The following BMX variants were observed in gnomAD, a reference collection of about 807,000 sequenced individuals.
The protein encoded by BMX is BMX non-receptor tyrosine kinase.
Under a neutral mutation model 59.2 loss-of-function variants are expected in BMX, and 31 were observed. That is an observed-to-expected ratio of 0.52 (90% CI 0.39 to 0.71). The LOEUF (loss-of-function observed/expected upper bound fraction) is 0.71. Ranked by LOEUF, BMX falls within the 30% of genes least tolerant of loss-of-function variation. The probability of loss-of-function intolerance (pLI) is 0.00; values close to 1 mark genes in which losing one functional copy is unlikely to be tolerated. For synonymous variants in BMX, 185 were observed against 181.0 expected, an observed-to-expected ratio of 1.02 and a Z score of -0.18; for missense variants, 474 against 491.7, an observed-to-expected ratio of 0.96 and a Z score of 0.34.
intron 1 of BMX, among the ~76,000 whole-genome samples, chrX:15,504,717 T>C (rs1387143197): frequency 8.9e-6 from 1 of 112,705 alleles, no homozygotes; most frequent in East Asian, 2.8e-4. Context: ...GAATGGCTGC[T>C]GGCTTCCTTA....
At chrX:15,543,252 A>G in intron 16 of BMX, 117 bp downstream of exon 16, 1 of 613,619 alleles carries the variant, frequency 1.6e-6, no homozygotes, top group Non-Finnish European at 2.5e-6. Flanking sequence ...GGGGCTTAGA[A>G]ACCTAAGTCC....
intron 16 of BMX, among the ~76,000 whole-genome samples, chrX:15,545,806 C>T (rs55830972): frequency 0.041 from 4,577 of 111,459 alleles, 232 homozygotes; most frequent in African/African-American, 0.13. Flanking sequence ...CTCTCCTGCC[C>T]TGCTCATGTC....
chrX:15,503,235 T>C (rs1028207493), intron 1 of BMX, among the ~76,000 whole-genome samples: 1 of 112,074 alleles, frequency 8.9e-6, no homozygotes, highest in Admixed American at 9.5e-5. Context: ...TTATTCCAAC[T>C]TTTGAGGTTG....
chrX:15,504,911 T>C (rs763127261), intron 1 of BMX, among the ~76,000 whole-genome samples: 4 of 112,087 alleles, frequency 3.6e-5, no homozygotes, highest in Non-Finnish European at 7.5e-5. Context: ...TCTATGGAAA[T>C]AGATTTCTTG....
intron 13 of BMX, 62 bp from the exon 14 acceptor site, chrX:15,537,072 G>A (rs912198273): frequency 8.9e-7 from 1 of 1,123,358 alleles, no homozygotes; most frequent in Non-Finnish European, 1.2e-6. Flanking sequence ...AATCACTTGG[G>A]AAGCTGTTAG....
intron 4 of BMX, among the ~76,000 whole-genome samples, chrX:15,513,909 C>T (rs1343638189): frequency 9.0e-6 from 1 of 111,653 alleles, no homozygotes; most frequent in Non-Finnish European, 1.9e-5. Flanking sequence ...GGTGTAATAA[C>T]AATAGCTACC....
chrX:15,531,203 C>T (rs1226366620), intron 10 of BMX, 125 bp from the exon 11 acceptor site: 11 of 534,346 alleles, frequency 2.1e-5, no homozygotes, highest in Non-Finnish European at 3.2e-5. Context: ...AGTGAGAAAC[C>T]TGTGCCTTTT....
At chrX:15,528,160 A>G (rs908487153) in intron 9 of BMX, among the ~76,000 whole-genome samples, 2 of 112,143 alleles carry the variant, frequency 1.8e-5, no homozygotes, top group African/African-American at 6.5e-5. Flanking sequence ...TCAAAATCAA[A>G]AAGATACCAA....
In BMX at chrX:15,516,156, T is replaced by C; in HGVS notation, c.370T>C (p.Phe124Leu). 1 of 1,211,398 alleles carries C rather than the reference T, an allele frequency of 8.3e-7. No homozygotes were observed. Among genetic ancestry groups the C allele is most frequent in the Non-Finnish European group, 1.1e-6 (1 of 895,069 alleles). ...PHLLVKYHSG[F>L]FVDGKFLCCQ... ...CCTGCTGGTCAAGTACCATAGTGGG[T>C]TCTTCGTGGACGGGAAGTTCCTGTG... Residue 124 changes from phenylalanine to leucine, a missense_variant, in exon 5 of 19, where the codon TTC becomes CTC. By Grantham distance (22) the Phe-to-Leu change is conservative (BLOSUM62 0). Transcript: ENST00000348343.
At chrX:15,540,398 A>AG (rs1046206463) in intron 14 of BMX, among the ~76,000 whole-genome samples, 1 of 102,641 alleles carries the variant, frequency 9.7e-6, no homozygotes, top group Non-Finnish European at 2.0e-5. Context: ...ACATGGACAC[A>AG]GGGAGGGGAA....
In BMX at chrX:15,508,461, A is replaced by G. The variant is rs750510606; in HGVS notation, c.108A>G (p.Thr36=). Residue 36 remains threonine, a synonymous_variant, in exon 2 of 19, where the codon ACA becomes ACG. Transcript: ENST00000348343. ...AACGGCTTTTTGTTTTGACCAAAAC[A>G]AACCTTTCCTACTATGAATATGACA... is the stretch of plus-strand genomic sequence containing the variant. The part of the protein sequence containing the change: ...YKERLFVLTK[T]NLSYYEYDKM... The G allele has an allele frequency of 2.5e-6, 3 of 1,189,408 alleles. No homozygotes were observed. Among genetic ancestry groups the G allele is most frequent in the South Asian group, 3.8e-5 (2 of 52,241 alleles).
At chrX:15,549,477 G>A (rs1200294267) in intron 17 of BMX, among the ~76,000 whole-genome samples, 1 of 111,948 alleles carries the variant, frequency 8.9e-6, no homozygotes, top group Non-Finnish European at 1.9e-5. Flanking sequence ...TGGGGCAGGG[G>A]CTCACTACAC....
chrX:15,503,892 A>G lies in BMX; in HGVS notation c.-10+2952A>G, dbSNP rs998183807. 6.3e-5 allele frequency among the ~76,000 whole-genome samples: 7 copies of G among 111,877 alleles called. No homozygotes were observed. The Admixed American group carries it at 6.6e-4, about 11-fold the overall frequency. ...TACTCTATAGGGTGAATGTGTCACAACCTATCCCATGGGCTGGGAGTATCA... is the reference window on the plus strand; with the variant it reads ...TACTCTATAGGGTGAATGTGTCACAGCCTATCCCATGGGCTGGGAGTATCA... On this transcript the variant is annotated intron_variant, in intron 1 of 18. Coordinates refer to ENST00000348343, the MANE Select transcript of BMX (RefSeq NM_203281.3).
chrX:15,544,342 G>A (rs752026588), intron 16 of BMX, among the ~76,000 whole-genome samples: 53 of 109,724 alleles, frequency 4.8e-4, no homozygotes, highest in Admixed American at 1.5e-3. Context: ...ACTAGCTACC[G>A]TCACTCCAAC....
rs765216203 is a variant in BMX, at chrX:15,545,311, G to A, written c.1677-1492G>A. ...GGAAGTAAAGCACACTTGGAAGAGG[G>A]CCAAGAGGGCAACTTGAGAGATCCA... On this transcript the variant is annotated intron_variant, in intron 16 of 18. Coordinates refer to ENST00000348343, the MANE Select transcript of BMX (RefSeq NM_203281.3). 6.3e-5 allele frequency among the ~76,000 whole-genome samples: 7 copies of A among 111,977 alleles called. No individual in the cohort carries two copies. In the South Asian group the frequency reaches 1.9e-3, roughly 30 times the overall value.
chrX:15,531,707 C>A (rs1451209749), intron 11 of BMX, among the ~76,000 whole-genome samples: 1 of 110,930 alleles, frequency 9.0e-6, no homozygotes, highest in African/African-American at 3.3e-5. Flanking sequence ...AAGAGACTCT[C>A]GGGTGATTCC....
intron 8 of BMX, 140 bp from the exon 9 acceptor site, chrX:15,525,902 A>G (rs768727733): frequency 2.1e-6 from 1 of 485,888 alleles, no homozygotes; most frequent in East Asian, 3.6e-5. Context: ...ATACTTTGCC[A>G]GGTGCAGAAG....
intron 16 of BMX, 75 bp downstream of exon 16, chrX:15,543,210 C>T (rs1925781012): frequency 1.0e-6 from 1 of 1,004,845 alleles, no homozygotes; most frequent in Admixed American, 2.3e-5. Flanking sequence ...TAATTGAAGG[C>T]TTTGTGGGGA....
In BMX at chrX:15,551,847, T is replaced by C. The variant is rs1926213429; in HGVS notation, c.1953+1850T>C. 2.7e-5 allele frequency among the ~76,000 whole-genome samples: 3 copies of C among 111,045 alleles called. No homozygotes were observed. The South Asian group carries it at 1.1e-3, about 42-fold the overall frequency. On this transcript the variant is annotated intron_variant, in intron 18 of 18. Transcript: ENST00000348343. ...TGGATATGGACAGAGATATGCAGAC[T>C]ACAGTGGCCAACAGAGCACTTATGG...
Sources: allele counts gnomAD v4.1 joint callset (sites outside exome capture counted in the v4.1 genomes callset), GRCh38; gene constraint gnomAD v4.1.1; transcripts MANE v1.5; gene names NCBI Gene and HGNC (gene_info 2026-07-23, HGNC 2026-07-21).